Variants in C1GALT1 observed in about 807,000 individuals in gnomAD.
The protein encoded by C1GALT1 is core 1 synthase, glycoprotein-N-acetylgalactosamine 3-beta-galactosyltransferase 1.
In C1GALT1, 11 loss-of-function variants were observed where a neutral mutation model predicts 31.0. The ratio of observed to expected loss-of-function variants is 0.36; its 90% confidence interval spans 0.22 to 0.59. C1GALT1 has a LOEUF of 0.59. C1GALT1 is among the 20% of genes least tolerant of loss of function. C1GALT1 has a pLI of 0.79. For synonymous variants in C1GALT1, 175 were observed against 143.6 expected (o/e 1.22, Z -1.56); for missense variants, 424 against 425.2 (o/e 1.00, Z 0.03).
At chr7:7,179,859 CAAAA>C (rs34406199), upstream of C1GALT1, among the ~76,000 whole-genome samples, 4 of 95,994 alleles carry the variant, frequency 4.2e-5, no homozygotes, top group Admixed American at 9.9e-5. Context: ...GTTTCAGGTT[CAAAA>C]AAAAAAAAAA....
At chr7:7,231,948 TTTG>T (rs1458410498) in intron 1 of C1GALT1, among the ~76,000 whole-genome samples, 1 of 152,232 alleles carries the variant, frequency 6.6e-6, no homozygotes, top group Non-Finnish European at 1.5e-5. Context: ...CTATTTTTGT[TTTG>T]TTCTTATTCT....
intron 1 of C1GALT1, among the ~76,000 whole-genome samples, chr7:7,211,209 T>C (rs1562576604): frequency 6.6e-6 from 1 of 152,226 alleles, no homozygotes; most frequent in South Asian, 2.1e-4. Flanking sequence ...CAGATATCAA[T>C]ACAAGACATA....
intron 1 of C1GALT1, chr7:7,183,454 G>T (rs1362819562): frequency 1.2e-5 from 3 of 251,142 alleles, no homozygotes; most frequent in African/African-American, 4.6e-5. Context: ...AAGCAGATAC[G>T]TGTGTGTTGG....
intron 2 of C1GALT1, chr7:7,235,365 G>C (rs1412571020): frequency 1.3e-5 from 2 of 152,170 alleles, no homozygotes; most frequent in Non-Finnish European, 2.9e-5. Context: ...TCAAGCAGAG[G>C]TTGAATGGTG....
chr7:7,204,918 A>C (rs1325241573), intron 1 of C1GALT1, among the ~76,000 whole-genome samples: 1 of 152,178 alleles, frequency 6.6e-6, no homozygotes, highest in African/African-American at 2.4e-5. Context: ...CTGTCTTTTA[A>C]AATCTATTAA....
chr7:7,227,681 C>A (rs1328651161), intron 1 of C1GALT1, among the ~76,000 whole-genome samples: 1 of 148,396 alleles, frequency 6.7e-6, no homozygotes, highest in Non-Finnish European at 1.5e-5. Flanking sequence ...GATCCCGCCA[C>A]TGCACTCCAG....
chr7:7,198,800 A>T (rs894007483), intron 1 of C1GALT1, among the ~76,000 whole-genome samples: 1 of 152,130 alleles, frequency 6.6e-6, no homozygotes, highest in African/African-American at 2.4e-5. Flanking sequence ...CATTTCTTCT[A>T]GATTTTCTAG....
chr7:7,203,664 C>G (rs1175306013), intron 1 of C1GALT1, among the ~76,000 whole-genome samples: 2 of 148,906 alleles, frequency 1.3e-5, no homozygotes, highest in African/African-American at 4.9e-5. Flanking sequence ...TTTTTTTTTT[C>G]TCTTTTTAGG....
At chr7:7,194,162 T>A (rs1245536181) in intron 1 of C1GALT1, among the ~76,000 whole-genome samples, 1 of 152,154 alleles carries the variant, frequency 6.6e-6, no homozygotes, top group Non-Finnish European at 1.5e-5. Flanking sequence ...TGATGCCCTT[T>A]ATTTCCTTGT....
intron 1 of C1GALT1, among the ~76,000 whole-genome samples, chr7:7,231,380 A>G (rs946102576): frequency 6.6e-6 from 1 of 152,052 alleles, no homozygotes; most frequent in African/African-American, 2.4e-5. Context: ...GAAAATATTC[A>G]GTCATTATTT....
Position 7,243,944 on chromosome 7 carries a change from A to T in C1GALT1, c.*217A>T. ...TACAGTAATATATAAATATGTCTAT[A>T]TATATGAGGAACTTGTGTTTTTTAA... is the stretch of plus-strand genomic sequence containing the variant. On this transcript the variant is annotated 3_prime_UTR_variant, in exon 4 of 4. Coordinates refer to ENST00000436587, the MANE Select transcript of C1GALT1 (RefSeq NM_020156.5). 1 of 307,390 alleles carries T rather than the reference A, an allele frequency of 3.3e-6. No homozygotes were observed. 19.0% of individuals were successfully genotyped at this position (307,390 alleles called of 1,614,324 possible).
chr7:7,180,675 C>T (rs901315832), upstream of C1GALT1, among the ~76,000 whole-genome samples: 3 of 152,158 alleles, frequency 2.0e-5, no homozygotes, highest in African/African-American at 7.2e-5. Context: ...AACTTCTTTG[C>T]ATTTTTGTTT....
upstream of C1GALT1, among the ~76,000 whole-genome samples, chr7:7,182,367 G>C (rs1431851943): frequency 1.3e-5 from 2 of 152,158 alleles, no homozygotes; most frequent in African/African-American, 2.4e-5. Flanking sequence ...AGCCGCAAGG[G>C]GGATACAACA....
Position 7,188,157 on chromosome 7 carries a change from G to T in C1GALT1, c.-18+5337G>T, listed in dbSNP as rs557889634. On this transcript the variant is annotated intron_variant, in intron 1 of 3. Transcript: ENST00000436587. ...AGAATAATATTTAGGAAGTAATGTT[G>T]GCAAGACTTGGTAATTGGATTTGGG... Among the ~76,000 whole-genome samples the T allele has an allele frequency of 3.3e-5, 5 of 152,264 alleles. No individual in the cohort carries two copies. In the South Asian group the frequency reaches 1.0e-3, roughly 32 times the overall value.
chr7:7,193,546 T>A (rs1426858713), intron 1 of C1GALT1, among the ~76,000 whole-genome samples: 2 of 152,236 alleles, frequency 1.3e-5, no homozygotes, highest in Non-Finnish European at 2.9e-5. Context: ...CCATGCTGTT[T>A]CGGTAACTAT....
At chr7:7,183,478 T>C in intron 1 of C1GALT1, 1 of 505,724 alleles carries the variant, frequency 2.0e-6, no homozygotes, top group South Asian at 8.5e-5. Context: ...ATTCGGGGCA[T>C]GGAGGAGGAA....
intron 1 of C1GALT1, among the ~76,000 whole-genome samples, chr7:7,228,108 T>C (rs370049717): frequency 6.6e-6 from 1 of 152,184 alleles, no homozygotes; most frequent in Admixed American, 6.5e-5. Context: ...AGTACAGGGT[T>C]CAAATGTTAA....
intron 1 of C1GALT1, among the ~76,000 whole-genome samples, chr7:7,189,779 A>G: frequency 6.6e-6 from 1 of 152,158 alleles, no homozygotes; most frequent in Non-Finnish European, 1.5e-5. Flanking sequence ...AAATGCAAAA[A>G]TATATTTTCT....
At position 7,238,769 on chromosome 7, in the gene C1GALT1, A is replaced by G. The variant is rs2128251234; in HGVS notation, c.735A>G (p.Arg245=). ...SSSIEDLALG[R]CMEIMNVEAG... is the part of the protein sequence containing the mutation. ...CCATTGAAGACTTAGCACTGGGGAG[A>G]TGCATGGAAATTATGAATGTAGAAG... Residue 245 remains arginine (R), a synonymous_variant, in exon 3 of 4, where the codon AGA becomes AGG. Transcript: ENST00000436587. This position sits in a 1 kb window ranked among gnomAD's most constrained non-coding sequence, Gnocchi z 5.2. 2 of 1,613,734 alleles carry G rather than the reference A, an allele frequency of 1.2e-6. No homozygotes were observed. The highest frequency in any genetic ancestry group is 1.7e-6 in the Non-Finnish European group (2 of 1,179,926).
Sources: allele counts gnomAD v4.1 joint callset (sites outside exome capture counted in the v4.1 genomes callset), GRCh38; gene constraint gnomAD v4.1.1; non-coding constraint Gnocchi (gnomAD v3.1); transcripts MANE v1.5; gene names NCBI Gene and HGNC (gene_info 2026-07-23, HGNC 2026-07-21).